SMARCAL1: variants seen among roughly 807,000 people sequenced by gnomAD.
SMARCAL1 encodes the protein SNF2 related chromatin remodeling annealing helicase 1.
Under a neutral mutation model 94.5 loss-of-function variants are expected in SMARCAL1, and 58 were observed. The ratio of observed to expected loss-of-function variants is 0.61; its 90% confidence interval spans 0.50 to 0.76. The LOEUF (loss-of-function observed/expected upper bound fraction) is 0.76, where lower values mean the gene tolerates loss of function less well. Ranked by LOEUF, SMARCAL1 falls within the 30% of genes least tolerant of loss-of-function variation. The probability of loss-of-function intolerance (pLI) is 0.00; values close to 1 mark genes in which losing one functional copy is unlikely to be tolerated. For synonymous variants in SMARCAL1, 422 were observed against 455.1 expected, an observed-to-expected ratio of 0.93 and a Z score of 0.93; for missense variants, 1,051 against 1,177.9, an observed-to-expected ratio of 0.89 and a Z score of 1.58.
intron 6 of SMARCAL1, 110 bp from the exon 7 acceptor site, chr2:216,428,486 A>G: frequency 1.9e-6 from 2 of 1,030,506 alleles, no homozygotes; most frequent in Non-Finnish European, 3.0e-6. Context: ...TTATATAGGG[A>G]CCTAGGACCA....
At chr2:216,420,615 A>G in intron 5 of SMARCAL1, 83 bp downstream of exon 5, 1 of 1,050,186 alleles carries the variant, frequency 9.5e-7, no homozygotes. Context: ...TACCTCGAAT[A>G]TTCAAAAATT....
chr2:216,414,983 G>A lies in SMARCAL1; in HGVS notation c.279G>A (p.Gln93=), dbSNP rs2106014599. The A allele has an allele frequency of 1.2e-6, 2 of 1,614,192 alleles. No homozygotes were observed. The highest frequency in any genetic ancestry group is 1.7e-6 in the Non-Finnish European group (2 of 1,180,050). The stretch of plus-strand genomic sequence containing the variant: ...GACCTCATGATTCCCACAGTTTTCA[G>A]GCAAAGGGAATATGGAAAAAGCCAG... ...DQRPHDSHSF[Q]AKGIWKKPEE... Residue 93 remains glutamine, a synonymous_variant, in exon 3 of 18, where the codon CAG becomes CAA. Coordinates refer to ENST00000357276, the MANE Select transcript of SMARCAL1 (RefSeq NM_014140.4).
intron 8 of SMARCAL1, among the ~76,000 whole-genome samples, chr2:216,433,162 T>C (rs1225752894): frequency 1.3e-5 from 2 of 152,212 alleles, no homozygotes; most frequent in African/African-American, 4.8e-5. Context: ...ACTTTTCATC[T>C]GTACCACACT....
At position 216,482,713 on chromosome 2, in the gene SMARCAL1, CTT is replaced by C; in HGVS notation, c.2626-22_2626-21del. On this transcript the variant is annotated intron_variant, in intron 17 of 17. Coordinates refer to ENST00000357276, the MANE Select transcript of SMARCAL1 (RefSeq NM_014140.4). The surrounding 1 kb of genome is among the most constrained non-coding windows in gnomAD (Gnocchi z 4.3). ...TTGGAGCCTGGGCTCTTCCTTTTAT[CTT>C]TTGTTTTCTTTCTCTGATGAAGGAC... The C allele has an allele frequency of 6.2e-7, 1 of 1,614,128 alleles. No individual in the cohort carries two copies. The highest frequency in any genetic ancestry group is 2.2e-5 in the East Asian group (1 of 44,880).
At chr2:216,451,155 C>T in intron 12 of SMARCAL1, 91 bp downstream of exon 12, 1 of 1,043,018 alleles carries the variant, frequency 9.6e-7, no homozygotes, top group Non-Finnish European at 1.5e-6. Flanking sequence ...GGCATTCTCT[C>T]AGCTTTCCTT....
chr2:216,420,280 G>C lies in SMARCAL1; in HGVS notation c.863-19G>C, dbSNP rs759688511. ...GTCCCCTGCTTTATCACTTCTGTTCGATTCTTCTTCTTTGGCAGTGAAAGC... is the reference window on the plus strand; with the variant it reads ...GTCCCCTGCTTTATCACTTCTGTTCCATTCTTCTTCTTTGGCAGTGAAAGC... On this transcript the variant is annotated intron_variant, in intron 4 of 17. Coordinates refer to ENST00000357276, the MANE Select transcript of SMARCAL1 (RefSeq NM_014140.4). 1.9e-6 allele frequency: 3 copies of C among 1,597,466 alleles called. No homozygotes were observed. The highest frequency in any genetic ancestry group is 1.7e-6 in the Non-Finnish European group (2 of 1,166,126).
chr2:216,455,253 CTG>C (rs1217761018), intron 12 of SMARCAL1, among the ~76,000 whole-genome samples: 2 of 152,236 alleles, frequency 1.3e-5, no homozygotes, highest in Admixed American at 1.3e-4. Context: ...CTGCCTGCCT[CTG>C]TAGACTCCAC....
chr2:216,451,469 T>C lies in SMARCAL1; in HGVS notation c.2070+405T>C, dbSNP rs112084647. 521 of 217,872 alleles carry C rather than the reference T, an allele frequency of 2.4e-3. 2 individuals carry two copies. Among genetic ancestry groups the C allele is most frequent in the African/African-American group, 0.011 (503 of 43,760 alleles). 13.5% of individuals were successfully genotyped at this position (217,872 alleles called of 1,614,324 possible). On this transcript the variant is annotated intron_variant, in intron 12 of 17. Transcript: ENST00000357276. ...ATGTTAATCCTTTAACCATACTGTG[T>C]CATTTGTGTTAGTCAAAATAACAAG... is the stretch of plus-strand genomic sequence containing the variant.
chr2:216,434,401 T>A (rs1357874599), intron 8 of SMARCAL1, among the ~76,000 whole-genome samples: 1 of 152,186 alleles, frequency 6.6e-6, no homozygotes, highest in Non-Finnish European at 1.5e-5. Context: ...TGTTTATGAT[T>A]TGCCTTCAGT....
rs1039511189 is a variant in SMARCAL1, at chr2:216,475,591, T to G, written c.2427+140T>G. ...CCCACAAGTCAGTTTTCACTTCCTT[T>G]AAGCACTTCTATGTTGATTGACTAG... On this transcript the variant is annotated intron_variant, in intron 15 of 17. Coordinates refer to ENST00000357276, the MANE Select transcript of SMARCAL1 (RefSeq NM_014140.4). The surrounding 1 kb of genome is among the most constrained non-coding windows in gnomAD (Gnocchi z 4.4). 9 of 855,230 alleles carry G rather than the reference T, an allele frequency of 1.1e-5. No individual in the cohort carries two copies. The African/African-American group carries it at 1.5e-4, about 14-fold the overall frequency. The allele number at this position is 855,230 out of a possible 1,614,324, so 53.0% of individuals were successfully genotyped here. A position where few individuals can be genotyped will look rare whatever the true frequency, so the allele number is the denominator to read the frequency against.
At chr2:216,442,847 G>T (rs1694224925) in intron 10 of SMARCAL1, among the ~76,000 whole-genome samples, 1 of 152,154 alleles carries the variant, frequency 6.6e-6, no homozygotes, top group Non-Finnish European at 1.5e-5. Flanking sequence ...GAGAAGTGGG[G>T]AGTAGAAAAT....
intron 5 of SMARCAL1, among the ~76,000 whole-genome samples, chr2:216,421,107 A>G (rs1054544709): frequency 7.9e-5 from 12 of 152,266 alleles, no homozygotes; most frequent in African/African-American, 1.9e-4. Context: ...CGGCCTGCCC[A>G]TCAGCATCAC....
At chr2:216,431,756 C>A (rs1405195814) in intron 7 of SMARCAL1, among the ~76,000 whole-genome samples, 1 of 152,154 alleles carries the variant, frequency 6.6e-6, no homozygotes, top group African/African-American at 2.4e-5. Flanking sequence ...GTGGAATACA[C>A]CTTTATTCAT....
At chr2:216,445,306 C>T (rs996884606) in intron 10 of SMARCAL1, among the ~76,000 whole-genome samples, 1 of 86,116 alleles carries the variant, frequency 1.2e-5, no homozygotes, top group African/African-American at 6.1e-5. Flanking sequence ...GACGAGATGC[C>T]ATTCTGGTTT....
chr2:216,446,204 G>A (rs1342095306), intron 10 of SMARCAL1, among the ~76,000 whole-genome samples: 1 of 152,142 alleles, frequency 6.6e-6, no homozygotes, highest in African/African-American at 2.4e-5. Flanking sequence ...TGGTGTCTGG[G>A]TAGTGAGGAA....
chr2:216,415,375 A>G lies in SMARCAL1; in HGVS notation c.671A>G (p.Gln224Arg), dbSNP rs1693572184. The G allele has an allele frequency of 6.2e-7, 1 of 1,614,240 alleles. No homozygotes were observed. The highest frequency in any genetic ancestry group is 1.3e-5 in the African/African-American group (1 of 75,062). ...CCCAGGACAGAAGGAAGACTCCAGC[A>G]GAAGTCAGGGTCCTCAGTCCAAAAA... ...VTPRTEGRLQ[Q>R]KSGSSVQKGV... Residue 224 changes from glutamine (Q) to arginine (R), a missense_variant, in exon 3 of 18, where the codon CAG becomes CGG. Transcript: ENST00000357276.
intron 8 of SMARCAL1, among the ~76,000 whole-genome samples, chr2:216,434,359 T>G (rs377351087): frequency 3.9e-5 from 6 of 152,202 alleles, no homozygotes; most frequent in African/African-American, 1.4e-4. Context: ...TGTAGAAATA[T>G]CGACATAAGT....
chr2:216,423,578 C>A, intron 5 of SMARCAL1, 55 bp from the exon 6 acceptor site: 1 of 1,390,966 alleles, frequency 7.2e-7, no homozygotes, highest in South Asian at 1.2e-5. Context: ...TAAGTGTGAT[C>A]ACGTAGCAGA....
intron 5 of SMARCAL1, 34 bp from the exon 6 acceptor site, chr2:216,423,599 G>A (rs781615587): frequency 1.3e-6 from 2 of 1,571,794 alleles, no homozygotes; most frequent in South Asian, 2.2e-5. Context: ...AGGGCAGGGT[G>A]TCCTATTTGC....
Sources: allele counts gnomAD v4.1 joint callset (sites outside exome capture counted in the v4.1 genomes callset), GRCh38; gene constraint gnomAD v4.1.1; non-coding constraint Gnocchi (gnomAD v3.1); transcripts MANE v1.5; gene names NCBI Gene and HGNC (gene_info 2026-07-23, HGNC 2026-07-21).